The following DNAH7 variants were observed in gnomAD, a reference collection of about 807,000 sequenced individuals.
DNAH7 encodes the protein dynein axonemal heavy chain 7, also known as axonemal beta dynein heavy chain 7.
DNAH7 carries 397 observed loss-of-function variants against 444.6 expected under a neutral mutation model. The ratio of observed to expected loss-of-function variants is 0.89; its 90% CI spans 0.82 to 0.97. DNAH7 has a LOEUF of 0.97. DNAH7 is among the 50% of genes least tolerant of loss of function. The pLI is 0.00. For synonymous variants in DNAH7, 1,636 were observed against 1,624.4 expected, an observed-to-expected ratio of 1.01 and a Z score of -0.17; for missense variants, 4,902 against 4,800.8, an observed-to-expected ratio of 1.02 and a Z score of -0.62.
At chr2:196,037,383 T>C (rs556679117) in intron 5 of DNAH7, among the ~76,000 whole-genome samples, 2 of 151,314 alleles carry the variant, frequency 1.3e-5, no homozygotes, top group African/African-American at 2.4e-5. Flanking sequence ...ACACAATAAT[T>C]CTCTACCAAC....
At chr2:195,801,270 G>A (rs1360816688) in intron 54 of DNAH7, among the ~76,000 whole-genome samples, 1 of 151,360 alleles carries the variant, frequency 6.6e-6, no homozygotes, top group African/African-American at 2.4e-5. Context: ...ACTACCAAAA[G>A]TACTTTTTTT....
At chr2:195,963,686 A>G (rs1691266928) in intron 17 of DNAH7, among the ~76,000 whole-genome samples, 1 of 152,194 alleles carries the variant, frequency 6.6e-6, no homozygotes, top group Admixed American at 6.5e-5. Flanking sequence ...ATTTTTGCCC[A>G]GTCCAAATTC....
intron 11 of DNAH7, among the ~76,000 whole-genome samples, chr2:196,001,171 G>A (rs1199134349): frequency 6.6e-6 from 1 of 152,058 alleles, no homozygotes; most frequent in Non-Finnish European, 1.5e-5. Flanking sequence ...CCCAAGAGAA[G>A]AACACTCCAA....
intron 35 of DNAH7, among the ~76,000 whole-genome samples, chr2:195,882,202 A>G (rs1701427388): frequency 6.6e-6 from 1 of 152,246 alleles, no homozygotes; most frequent in Non-Finnish European, 1.5e-5. Flanking sequence ...CAAATGAAAC[A>G]GCAATACTGT....
At chr2:195,782,391 A>G (rs1695431304) in intron 58 of DNAH7, among the ~76,000 whole-genome samples, 1 of 152,212 alleles carries the variant, frequency 6.6e-6, no homozygotes, top group South Asian at 2.1e-4. Flanking sequence ...GGAATTGTGA[A>G]GCACTTGCTG....
At chr2:195,741,005 G>A in intron 63 of DNAH7, 136 bp from the exon 64 acceptor site, 1 of 367,320 alleles carries the variant, frequency 2.7e-6, no homozygotes, top group Non-Finnish European at 5.0e-6. Flanking sequence ...TCCAATGAAA[G>A]CAATCTCCTG....
chr2:195,931,102 G>A (rs963258314), intron 21 of DNAH7, among the ~76,000 whole-genome samples: 1 of 152,068 alleles, frequency 6.6e-6, no homozygotes, highest in Admixed American at 6.6e-5. Flanking sequence ...CCTGGGTGAT[G>A]GGATCAATCA....
At chr2:195,830,431 TC>T (rs1698008854) in intron 48 of DNAH7, among the ~76,000 whole-genome samples, 1 of 152,182 alleles carries the variant, frequency 6.6e-6, no homozygotes, top group African/African-American at 2.4e-5. Context: ...ATGTGAGACT[TC>T]AAATTAATAG....
intron 41 of DNAH7, 123 bp from the exon 42 acceptor site, chr2:195,862,069 G>A: frequency 1.4e-6 from 1 of 736,798 alleles, no homozygotes; most frequent in Admixed American, 2.9e-5. Context: ...GGATGGTGTG[G>A]GAGAGACAAT....
intron 5 of DNAH7, 97 bp from the exon 6 acceptor site, chr2:196,028,144 T>A: frequency 1.0e-6 from 1 of 962,880 alleles, no homozygotes; most frequent in Admixed American, 2.5e-5. Context: ...TTCTATTAAA[T>A]CATAAGGAAA....
At chr2:195,986,588 T>C (rs1179726562) in intron 14 of DNAH7, among the ~76,000 whole-genome samples, 1 of 152,156 alleles carries the variant, frequency 6.6e-6, no homozygotes, top group Middle Eastern at 3.2e-3. Context: ...TTACTTAACA[T>C]GGGTCAGTTT....
chr2:195,955,071 T>C (rs940188116), intron 19 of DNAH7, among the ~76,000 whole-genome samples: 10 of 152,336 alleles, frequency 6.6e-5, no homozygotes, highest in African/African-American at 2.4e-4. Flanking sequence ...GCCATGGCTT[T>C]TGGTGTTTTA....
intron 30 of DNAH7, chr2:195,893,296 G>C (rs1336199464): frequency 2.0e-5 from 3 of 151,838 alleles, no homozygotes; most frequent in African/African-American, 7.3e-5. Context: ...GTGCAGTGGT[G>C]CGATCTCGGC....
chr2:195,945,417 A>G (rs114826325), intron 19 of DNAH7, among the ~76,000 whole-genome samples: 2,813 of 152,292 alleles, frequency 0.018, 77 homozygotes, highest in African/African-American at 0.063. Context: ...CATAATACCT[A>G]TAAAACTGGT....
At chr2:195,834,100 G>T in intron 48 of DNAH7, 106 bp downstream of exon 48, 1 of 1,158,336 alleles carries the variant, frequency 8.6e-7, no homozygotes, top group Non-Finnish European at 1.2e-6. Flanking sequence ...TCAGCTACTT[G>T]GTAGGCTGAG....
chr2:195,917,019 G>A lies in DNAH7; in HGVS notation c.3935+5069C>T, dbSNP rs565635331. Among the ~76,000 whole-genome samples, 103 of 150,336 alleles carry A rather than the reference G, an allele frequency of 6.9e-4. 1 individual carries two copies. The highest frequency in any genetic ancestry group is 3.4e-3 in the Middle Eastern group (1 of 290). ...CGGGAGGCTGAGTCAGGAGAATGGC[G>A]TGAACCCAGGAGGCAGAGCTTGCAG... On this transcript the variant is annotated intron_variant, in intron 24 of 64. Coordinates refer to ENST00000312428, the MANE Select transcript of DNAH7 (RefSeq NM_018897.3).
intron 17 of DNAH7, among the ~76,000 whole-genome samples, chr2:195,966,076 T>C (rs914809312): frequency 1.3e-5 from 2 of 152,044 alleles, no homozygotes; most frequent in African/African-American, 4.8e-5. Context: ...TTTGTTTTGG[T>C]GTAGGTACCT....
At chr2:195,811,982 A>G (rs1201805177) in intron 51 of DNAH7, among the ~76,000 whole-genome samples, 1 of 152,150 alleles carries the variant, frequency 6.6e-6, no homozygotes, top group Non-Finnish European at 1.5e-5. Context: ...AACTTCCCCA[A>G]TCACTCCTGT....
At chr2:196,005,303 C>T (rs145301577) in intron 10 of DNAH7, among the ~76,000 whole-genome samples, 42 of 140,826 alleles carry the variant, frequency 3.0e-4, no homozygotes, top group African/African-American at 1.1e-3. Context: ...AACAAACAAA[C>T]AAAAATATAT....
Sources: gnomAD v4.1 joint callset for allele counts (sites outside exome capture counted in the v4.1 genomes callset) on GRCh38, gnomAD v4.1.1 for gene constraint, MANE v1.5 for transcripts, NCBI Gene and HGNC (gene_info 2026-07-23, HGNC 2026-07-21) for gene names.